Variants in HDAC9 observed in about 807,000 individuals in gnomAD.
The protein encoded by HDAC9 is MEF-2 interacting transcription repressor (MITR) protein.
A neutral mutation model predicts 139.4 loss-of-function variants in HDAC9; 41 were observed. The observed-to-expected ratio is 0.29, with a 90% CI of 0.23 to 0.38. The LOEUF (loss-of-function observed/expected upper bound fraction) is 0.38. Among genes scored for constraint, HDAC9 ranks in the 10% least tolerant of loss-of-function variants. The probability of loss-of-function intolerance (pLI) is 1.00; values close to 1 mark genes in which losing one functional copy is unlikely to be tolerated. For missense variants in HDAC9, 1,147 were observed against 1,297.0 expected (o/e 0.88, Z 1.78); for synonymous variants, 517 against 476.2 (o/e 1.09, Z -1.12).
intron 1 of HDAC9, among the ~76,000 whole-genome samples, chr7:18,305,130 C>G (rs1273305969): frequency 6.6e-6 from 1 of 152,140 alleles, no homozygotes; most frequent in Non-Finnish European, 1.5e-5. Context: ...TGGTTATTCT[C>G]TTTTCCAGAA....
At chr7:18,807,626 T>G (rs1382155482) in intron 17 of HDAC9, among the ~76,000 whole-genome samples, 1 of 152,176 alleles carries the variant, frequency 6.6e-6, no homozygotes, top group Non-Finnish European at 1.5e-5. Context: ...TGGCATATTG[T>G]GTGTTCATTT....
chr7:18,518,732 G>A (rs1804021776), intron 2 of HDAC9, among the ~76,000 whole-genome samples: 1 of 152,192 alleles, frequency 6.6e-6, no homozygotes, highest in Non-Finnish European at 1.5e-5. Context: ...ATGCAGTTAC[G>A]GAAAGGCCAG....
intron 1 of HDAC9, among the ~76,000 whole-genome samples, chr7:18,160,556 G>A (rs1445216405): frequency 2.0e-5 from 3 of 152,112 alleles, no homozygotes; most frequent in Non-Finnish European, 2.9e-5. Flanking sequence ...TATCAGATAT[G>A]GTGGCATGTC....
intron 1 of HDAC9, among the ~76,000 whole-genome samples, chr7:18,339,309 G>T (rs1653448368): frequency 6.6e-6 from 1 of 150,754 alleles, no homozygotes; most frequent in South Asian, 2.1e-4. Context: ...ACTTCCTTTG[G>T]GTTTCATGTG....
chr7:18,974,700 G>A (rs1484283158), intron 24 of HDAC9, among the ~76,000 whole-genome samples: 1 of 152,122 alleles, frequency 6.6e-6, no homozygotes, highest in Non-Finnish European at 1.5e-5. Flanking sequence ...TGTGACATCT[G>A]TTCCTCTATG....
rs915087525 is a variant in HDAC9, at chr7:18,197,195, C to G, written c.25+34846C>G. ...ATCAGCTCTGCAGCTTTTGGACTTGCCAGACCCCTTAATCATGTGAGCCAA... is the reference window on the plus strand; with the variant it reads ...ATCAGCTCTGCAGCTTTTGGACTTGGCAGACCCCTTAATCATGTGAGCCAA... On this transcript the variant is annotated intron_variant, in intron 2 of 12. Transcript: ENST00000417496. Among the ~76,000 whole-genome samples, 26 of 152,086 alleles carry G rather than the reference C, an allele frequency of 1.7e-4. 1 individual carries two copies. Among genetic ancestry groups the G allele is most frequent in the Non-Finnish European group, 2.9e-5 (2 of 68,012 alleles).
intron 2 of HDAC9, among the ~76,000 whole-genome samples, chr7:18,276,054 A>G (rs1796697023): frequency 6.6e-6 from 1 of 152,218 alleles, no homozygotes; most frequent in East Asian, 1.9e-4. Flanking sequence ...TTGTTATGTT[A>G]TTCTGTGTAT....
chr7:18,192,758 C>T (rs1421480009), intron 2 of HDAC9, among the ~76,000 whole-genome samples: 2 of 152,110 alleles, frequency 1.3e-5, no homozygotes, highest in Non-Finnish European at 2.9e-5. Context: ...GGCTAAAATA[C>T]AACATGCCAG....
At chr7:18,836,757 A>G (rs1796266002) in intron 21 of HDAC9, among the ~76,000 whole-genome samples, 1 of 152,142 alleles carries the variant, frequency 6.6e-6, no homozygotes, top group Non-Finnish European at 1.5e-5. Context: ...CTTTCTTCAG[A>G]AGCCAGTGAG....
intron 21 of HDAC9, among the ~76,000 whole-genome samples, chr7:18,856,087 A>G (rs893067046): frequency 6.6e-6 from 1 of 152,092 alleles, no homozygotes; most frequent in Non-Finnish European, 1.5e-5. Flanking sequence ...AGATTTAGTC[A>G]TGGGAGATGA....
chr7:18,546,995 G>A (rs1815071985), intron 2 of HDAC9, among the ~76,000 whole-genome samples: 2 of 152,194 alleles, frequency 1.3e-5, no homozygotes, highest in African/African-American at 4.8e-5. Context: ...AAATCTGGCT[G>A]ACTTACCTTA....
chr7:18,559,889 A>T (rs1820057755), intron 2 of HDAC9, among the ~76,000 whole-genome samples: 1 of 152,218 alleles, frequency 6.6e-6, no homozygotes, highest in Non-Finnish European at 1.5e-5. Context: ...TACCACCTAA[A>T]TATAAGTCTT....
intron 22 of HDAC9, among the ~76,000 whole-genome samples, chr7:18,912,769 G>T (rs942955094): frequency 2.0e-5 from 3 of 151,978 alleles, no homozygotes; most frequent in Non-Finnish European, 2.9e-5. Context: ...TGCATAAATC[G>T]CAAGGATTCT....
intron 13 of HDAC9, among the ~76,000 whole-genome samples, chr7:18,741,246 T>C (rs1787423147): frequency 6.6e-6 from 1 of 152,088 alleles, no homozygotes; most frequent in African/African-American, 2.4e-5. Flanking sequence ...TAGAGAGAAA[T>C]AGTCAATGAC....
intron 6 of HDAC9, among the ~76,000 whole-genome samples, chr7:18,604,328 A>G (rs563235895): frequency 6.6e-6 from 1 of 151,956 alleles, no homozygotes; most frequent in African/African-American, 2.4e-5. Context: ...CTTTCTTTTT[A>G]GGGAGTTTCT....
intron 1 of HDAC9, among the ~76,000 whole-genome samples, chr7:18,470,101 G>A (rs1210416147): frequency 6.6e-6 from 1 of 151,998 alleles, no homozygotes; most frequent in Non-Finnish European, 1.5e-5. Flanking sequence ...GCTTTGGGTG[G>A]CCAAGGTAGG....
intron 22 of HDAC9, 145 bp downstream of exon 22, chr7:18,874,741 C>A (rs780998136): frequency 5.1e-6 from 3 of 583,602 alleles, no homozygotes; most frequent in Non-Finnish European, 9.2e-6. Flanking sequence ...ATTGCTCTGT[C>A]GGATTCATGT....
At chr7:18,964,253 T>C (rs1783708305) in intron 24 of HDAC9, among the ~76,000 whole-genome samples, 1 of 152,210 alleles carries the variant, frequency 6.6e-6, no homozygotes, top group Non-Finnish European at 1.5e-5. Context: ...CCTTCATATA[T>C]TTTTTCCTGC....
In HDAC9 at chr7:18,104,150, G is replaced by A. The variant is rs146940877; in HGVS notation, c.-97+16937G>A. Reference sequence around the variant, plus strand: ...GCAAACTCTATGCACACAGTGGCCCGGGCTAGGAAGTCATTTTTTCTTTTA... The same window carrying A: ...GCAAACTCTATGCACACAGTGGCCCAGGCTAGGAAGTCATTTTTTCTTTTA... On this transcript the variant is annotated intron_variant, in intron 1 of 12. Coordinates refer to the HDAC9 transcript ENST00000417496. Among the ~76,000 whole-genome samples the A allele has an allele frequency of 1.8e-3, 268 of 152,206 alleles. 6 individuals carry two copies. The East Asian group carries it at 0.026, about 15-fold the overall frequency.
Sources: allele counts gnomAD v4.1 joint callset (sites outside exome capture counted in the v4.1 genomes callset), GRCh38; gene constraint gnomAD v4.1.1; transcripts MANE v1.5; gene names NCBI Gene and HGNC (gene_info 2026-07-23, HGNC 2026-07-21).